The following MTX1 variants were observed in gnomAD, a reference collection of about 807,000 sequenced individuals.
MTX1 encodes metaxin-1.
Under a neutral mutation model 39.4 loss-of-function variants are expected in MTX1, and 20 were observed. The ratio of observed to expected loss-of-function variants is 0.51; its 90% CI spans 0.36 to 0.74. The LOEUF is 0.74. MTX1 is among the 30% of genes least tolerant of loss of function. The probability of loss-of-function intolerance (pLI) is 0.00; values close to 1 mark genes in which losing one functional copy is unlikely to be tolerated. For missense variants in MTX1, 481 were observed against 485.9 expected (o/e 0.99, Z 0.10); for synonymous variants, 209 against 198.6 (o/e 1.05, Z -0.44).
At position 155,212,985 on chromosome 1, in the gene MTX1, G is replaced by A. The variant is rs370958554; in HGVS notation, c.1031+215G>A. 5.8e-4 allele frequency among the ~76,000 whole-genome samples: 88 copies of A among 152,098 alleles called. 1 individual carries two copies. The highest frequency in any genetic ancestry group is 1.9e-3 in the South Asian group (9 of 4,824). ...GGTGGGAGGGCAGCCAGGCACAGGA[G>A]GGGCCTGAAGAGCTGTGGGGCACTG... On this transcript the variant is annotated intron_variant, in intron 6 of 7. Coordinates refer to ENST00000368376, the MANE Select transcript of MTX1 (RefSeq NM_002455.5).
chr1:155,209,892 C>A (rs143849043), intron 1 of MTX1, among the ~76,000 whole-genome samples: 35 of 152,282 alleles, frequency 2.3e-4, no homozygotes, highest in African/African-American at 7.7e-4. Flanking sequence ...CATTGCCAGG[C>A]AAAGATGAAT....
At position 155,212,418 on chromosome 1, in the gene MTX1, G is replaced by C. The variant is rs375049335; in HGVS notation, c.805G>C (p.Val269Leu). ...TTTTTGGATAGACACCAAGAACTAC[G>C]TGGAAGTGACCCGGAAGTGGTATGC... ...HTFWIDTKNY[V>L]EVTRKWYAEA... is the part of the protein sequence containing the mutation. Residue 269 changes from valine (V) to leucine (L), a missense_variant, in exon 5 of 8, where the codon GTG becomes CTG. By Grantham distance (32) the Val-to-Leu change is conservative. Coordinates refer to ENST00000368376, the MANE Select transcript of MTX1 (RefSeq NM_002455.5). The C allele has an allele frequency of 1.6e-5, 26 of 1,614,098 alleles. No individual in the cohort carries two copies. The highest frequency in any genetic ancestry group is 1.3e-4 in the Admixed American group (8 of 60,002).
chr1:155,212,766 G>T lies in MTX1; in HGVS notation c.1027G>T (p.Asp343Tyr), dbSNP rs1671171807. 6.3e-7 allele frequency: 1 copy of T among 1,591,466 alleles called. No individual in the cohort carries two copies. The highest frequency in any genetic ancestry group is 1.8e-5 in the Admixed American group (1 of 56,492). ...GGGCTCTCAAAAGTTCTTCTTTGGA[G>T]ATGCGTGAGTCTGACTCCAAGAGGG... ...RLGSQKFFFG[D>Y]APASLDAFVF... Residue 343 changes from aspartate (D) to tyrosine (Y), a missense_variant, in exon 6 of 8, where the codon GAT becomes TAT. This residue lies in a region of MTX1 where 113 missense variants were observed against 153.2 expected (regional missense o/e 0.74). Coordinates refer to ENST00000368376, the MANE Select transcript of MTX1 (RefSeq NM_002455.5).
chr1:155,209,202 G>A lies in MTX1; in HGVS notation c.398G>A (p.Gly133Glu). ...GAVAGGGPRQGRAEAHKEVFP... is the reference protein window; with the variant it reads ...GAVAGGGPRQERAEAHKEVFP... ...GTGGCGGGGGGCGGGCCCAGGCAGGGGAGGGCAGAAGCACACAAGGAAGTG... is the reference window on the plus strand; with the variant it reads ...GTGGCGGGGGGCGGGCCCAGGCAGGAGAGGGCAGAAGCACACAAGGAAGTG... Residue 133 changes from glycine (G) to glutamate (E), a missense_variant, in exon 1 of 8, where the codon GGG becomes GAG. Transcript: ENST00000368376. The A allele has an allele frequency of 6.8e-7, 1 of 1,467,624 alleles. No individual in the cohort carries two copies. The highest frequency in any genetic ancestry group is 9.0e-7 in the Non-Finnish European group (1 of 1,107,430). The allele number at this position is 1,467,624 out of a possible 1,614,324, so 90.9% of individuals were successfully genotyped here.
Position 155,209,289 on chromosome 1 carries a change from G to T in MTX1, c.485G>T (p.Gly162Val). ...APMELFCWSG[G>V]WGLPSVDLDS... ...ATGGAGCTGTTCTGCTGGTCAGGGG[G>T]CTGGGGGCTGCCGTCAGTGGACCTG... The change falls in exon 1 of 8, where the codon GGC becomes GTC. Residue 162 changes from glycine to valine, a missense_variant. Physicochemically the swap from Gly to Val is moderately radical, Grantham distance 109. This residue lies in a region of MTX1 where 368 missense variants were observed against 332.8 expected (regional missense o/e 1.11). Coordinates refer to ENST00000368376, the MANE Select transcript of MTX1 (RefSeq NM_002455.5). 6.9e-7 allele frequency: 1 copy of T among 1,440,416 alleles called. No individual in the cohort carries two copies. Among genetic ancestry groups the T allele is most frequent in the Admixed American group, 2.9e-5 (1 of 34,370 alleles). The allele number at this position is 1,440,416 out of a possible 1,614,324, so 89.2% of individuals were successfully genotyped here.
At position 155,210,587 on chromosome 1, in the gene MTX1, T is replaced by A. The variant is rs1287437939; in HGVS notation, c.638T>A (p.Ile213Asn). The change falls in exon 3 of 8, where the codon ATC becomes AAC. Residue 213 changes from isoleucine to asparagine, a missense_variant. This residue lies in a region of MTX1 where 368 missense variants were observed against 332.8 expected (regional missense o/e 1.11). Coordinates refer to ENST00000368376, the MANE Select transcript of MTX1 (RefSeq NM_002455.5). ...CTTCGGACCAGTCATGGAGAGGTCA[T>A]CTCAGTTCCACACAAGATCATCACC... Reference protein sequence around the residue: ...PALRTSHGEVISVPHKIITHL... With the variant: ...PALRTSHGEVNSVPHKIITHL... 1 of 1,614,042 alleles carries A rather than the reference T, an allele frequency of 6.2e-7. No homozygotes were observed. Among genetic ancestry groups the A allele is most frequent in the Non-Finnish European group, 8.5e-7 (1 of 1,180,044 alleles).
chr1:155,210,547 G>C lies in MTX1; in HGVS notation c.599-1G>C. ...TTGGTATACTTCCCTCTCAATATCA[G>C]GAACTCTGCCTGCCCTTCGGACCAG... On this transcript the variant is annotated splice_acceptor_variant, in intron 2 of 7. Transcript: ENST00000368376. LOFTEE classifies it high-confidence loss of function. 1 of 1,614,114 alleles carries C rather than the reference G, an allele frequency of 6.2e-7. No individual in the cohort carries two copies. The highest frequency in any genetic ancestry group is 8.5e-7 in the Non-Finnish European group (1 of 1,179,976).
Position 155,212,145 on chromosome 1 carries a change from G to T in MTX1, c.697G>T (p.Asp233Tyr), listed in dbSNP as rs1557890682. Residue 233 changes from aspartate (D) to tyrosine (Y), a missense_variant, in exon 4 of 8, where the codon GAT becomes TAT. Physicochemically the swap from Asp to Tyr is radical, Grantham distance 160 (BLOSUM62 -3). Around this residue, in one of 2 missense-constraint regions of MTX1, gnomAD observed 368 missense variants for 332.8 expected, o/e 1.11. Transcript: ENST00000368376. ...LRKEKYNADYDLSARQGADTL... is the reference protein window; with the variant it reads ...LRKEKYNADYYLSARQGADTL... ...TCCACAGAAGTACAATGCTGATTAT[G>T]ATCTGTCAGCTCGGCAAGGGGCAGA... The T allele has an allele frequency of 1.2e-5, 20 of 1,610,162 alleles. No homozygotes were observed. Among genetic ancestry groups the T allele is most frequent in the Non-Finnish European group, 1.6e-5 (19 of 1,178,030 alleles).
rs1042765536 is a variant in MTX1, at chr1:155,208,710, C to G, written c.-95C>G. 1.5e-6 allele frequency: 2 copies of G among 1,300,874 alleles called. No individual in the cohort carries two copies. The highest frequency in any genetic ancestry group is 2.0e-6 in the Non-Finnish European group (2 of 983,190). 80.6% of individuals were successfully genotyped at this position (1,300,874 alleles called of 1,614,324 possible). A position where few individuals can be genotyped will look rare whatever the true frequency, so the allele number is the denominator to read the frequency against. On this transcript the variant is annotated 5_prime_UTR_variant, in exon 1 of 8. Transcript: ENST00000368376. ...CCCCTCCCCCACCCAAGCCCCAGCCCGGCCTCCGCTCCGGCCGCCGCCACC... is the reference window on the plus strand; with the variant it reads ...CCCCTCCCCCACCCAAGCCCCAGCCGGGCCTCCGCTCCGGCCGCCGCCACC...
chr1:155,211,788 C>T (rs532786570), intron 3 of MTX1: 4 of 193,722 alleles, frequency 2.1e-5, no homozygotes, highest in East Asian at 1.4e-4. Flanking sequence ...GTGTCTGGGT[C>T]GGGGAAGTTA....
Position 155,212,487 on chromosome 1 carries a change from A to C in MTX1, c.874A>C (p.Met292Leu), listed in dbSNP as rs1299646320. ...FPLNFFLPGRMQRQYMERLQL... is the reference protein window; with the variant it reads ...FPLNFFLPGRLQRQYMERLQL... Reference sequence around the variant, plus strand: ...CCTCAACTTCTTCCTGCCTGGCCGCATGCAGCGGCAGTACATGGAACGGCT... The same window carrying C: ...CCTCAACTTCTTCCTGCCTGGCCGCCTGCAGCGGCAGTACATGGAACGGCT... Residue 292 changes from methionine (M) to leucine (L), a missense_variant, in exon 5 of 8, where the codon ATG (methionine) becomes CTG (leucine). Around this residue, in one of 2 missense-constraint regions of MTX1, gnomAD observed 113 missense variants for 153.2 expected, o/e 0.74. Transcript: ENST00000368376. 2.5e-6 allele frequency: 4 copies of C among 1,613,880 alleles called. No individual in the cohort carries two copies. The South Asian group carries it at 3.3e-5, about 13-fold the overall frequency.
Position 155,210,565 on chromosome 1 carries a change from C to G in MTX1, c.616C>G (p.Arg206Gly). ...QSPSGTLPALRTSHGEVISVP... is the reference protein window; with the variant it reads ...QSPSGTLPALGTSHGEVISVP... ...AATATCAGGAACTCTGCCTGCCCTT[C>G]GGACCAGTCATGGAGAGGTCATCTC... Residue 206 changes from arginine (R) to glycine (G), a missense_variant, in exon 3 of 8, where the codon CGG becomes GGG. Physicochemically the swap from Arg to Gly is moderately radical, Grantham distance 125 (BLOSUM62 -2). Transcript: ENST00000368376. The G allele has an allele frequency of 6.2e-7, 1 of 1,614,076 alleles. No individual in the cohort carries two copies. The highest frequency in any genetic ancestry group is 8.5e-7 in the Non-Finnish European group (1 of 1,179,946).
chr1:155,210,069 C>T (rs1313688366), intron 1 of MTX1, among the ~76,000 whole-genome samples: 1 of 152,170 alleles, frequency 6.6e-6, no homozygotes, highest in Non-Finnish European at 1.5e-5. Context: ...GGAAAAGCTT[C>T]TGAGGATAGA....
chr1:155,210,438 A>T (rs1356176359), intron 2 of MTX1, 23 bp downstream of exon 2: 1 of 1,612,198 alleles, frequency 6.2e-7, no homozygotes, highest in South Asian at 1.1e-5. Flanking sequence ...CCTTGGGGGT[A>T]AGGAAGGGTG....
Position 155,208,709 on chromosome 1 carries a change from CCGGCCT to C in MTX1, c.-94_-89del. The C allele has an allele frequency of 7.7e-7, 1 of 1,294,768 alleles. No homozygotes were observed. The highest frequency in any genetic ancestry group is 1.0e-6 in the Non-Finnish European group (1 of 977,978). The allele number at this position is 1,294,768 out of a possible 1,614,324, so 80.2% of individuals were successfully genotyped here. ...TCCCCTCCCCCACCCAAGCCCCAGC[CCGGCCT>C]CCGCTCCGGCCGCCGCCACCGCCCC... On this transcript the variant is annotated 5_prime_UTR_variant, in exon 1 of 8. Transcript: ENST00000368376.
chr1:155,212,037 G>A (rs1671145473), intron 3 of MTX1, 90 bp from the exon 4 acceptor site: 4 of 1,190,822 alleles, frequency 3.4e-6, no homozygotes, highest in South Asian at 2.9e-5. Context: ...TCAGAGGCCA[G>A]TGAGGGGGGT....
At position 155,209,084 on chromosome 1, in the gene MTX1, G is replaced by A; in HGVS notation, c.280G>A (p.Val94Ile). The A allele has an allele frequency of 6.5e-7, 1 of 1,541,588 alleles. No homozygotes were observed. Among genetic ancestry groups the A allele is most frequent in the Non-Finnish European group, 8.7e-7 (1 of 1,142,974 alleles). Reference protein sequence around the residue: ...RPPSPEARGPVPRSSAASRAR... With the variant: ...RPPSPEARGPIPRSSAASRAR... ...GCCCTCCCCCGAGGCCCGCGGCCCA[G>A]TCCCCCGCAGTTCAGCTGCCAGTCG... The change falls in exon 1 of 8, where the codon GTC becomes ATC. Residue 94 changes from valine (V) to isoleucine (I), a missense_variant. This residue lies in a region of MTX1 where 368 missense variants were observed against 332.8 expected (regional missense o/e 1.11). Transcript: ENST00000368376.
intron 1 of MTX1, among the ~76,000 whole-genome samples, chr1:155,209,718 T>G (rs920796463): frequency 6.6e-6 from 1 of 152,184 alleles, no homozygotes; most frequent in Non-Finnish European, 1.5e-5. Flanking sequence ...CCTTCTCCTC[T>G]TCCTCCTCAC....
intron 3 of MTX1, chr1:155,211,704 G>A (rs1387656976): frequency 6.4e-6 from 1 of 156,526 alleles, no homozygotes; most frequent in African/African-American, 2.4e-5. Flanking sequence ...GGAGTGTGAG[G>A]ATGGCTTTCT....
Sources: allele counts gnomAD v4.1 joint callset (sites outside exome capture counted in the v4.1 genomes callset), GRCh38; gene constraint gnomAD v4.1.1; regional missense constraint gnomAD v4.1.1; transcripts MANE v1.5; gene names NCBI Gene and HGNC (gene_info 2026-07-23, HGNC 2026-07-21).